The following RELA variants were observed in gnomAD, a reference collection of about 807,000 sequenced individuals.
The protein encoded by RELA is RELA proto-oncogene, NF-kB subunit.
A neutral mutation model predicts 56.7 loss-of-function variants in RELA; 14 were observed. That is an observed-to-expected ratio of 0.25 (90% confidence interval 0.16 to 0.39). RELA has a LOEUF of 0.39. Among genes scored for constraint, RELA ranks in the 10% least tolerant of loss-of-function variants. The pLI is 1.00. For missense variants in RELA, 559 were observed against 736.4 expected (o/e 0.76, Z 2.79); for synonymous variants, 315 against 289.7 (o/e 1.09, Z -0.89).
chr11:65,662,250 T>C, intron 1 of RELA, 45 bp from the exon 2 acceptor site: 1 of 1,500,044 alleles, frequency 6.7e-7, no homozygotes. Context: ...CCAATGCCCA[T>C]TCTCACAAGG....
At chr11:65,655,095 C>T (rs1856388186) in intron 10 of RELA, 95 bp from the exon 11 acceptor site, 1 of 989,070 alleles carries the variant, frequency 1.0e-6, no homozygotes, top group Non-Finnish European at 1.5e-6. Flanking sequence ...TGCTCAGGCT[C>T]AATCCCTCTC....
rs1856413129 is a variant in RELA, at chr11:65,655,866, CTCT to C, written c.944_946del (p.Lys315del). ...AGTCCCCATCTCACCGCTGAAAGGA[CTCT>C]TCTTCATGATGCTCTTGAAGGTCTC... On this transcript the variant is annotated inframe_deletion, in exon 9 of 11. Coordinates refer to ENST00000406246, the MANE Select transcript of RELA (RefSeq NM_021975.4). 1.9e-6 allele frequency: 3 copies of C among 1,613,984 alleles called. No homozygotes were observed. Among genetic ancestry groups the C allele is most frequent in the Non-Finnish European group, 2.5e-6 (3 of 1,179,978 alleles).
rs1179153759 is a variant in RELA, at chr11:65,654,948, C to T, written c.1086G>A (p.Glu362=). 6.2e-7 allele frequency: 1 copy of T among 1,604,294 alleles called. No individual in the cohort carries two copies. The highest frequency in any genetic ancestry group is 8.5e-7 in the Non-Finnish European group (1 of 1,176,086). Residue 362 remains glutamate (E), a synonymous_variant, in exon 11 of 11, where the codon GAG becomes GAA. Transcript: ENST00000406246. ...TSSLSTINYD[E]FPTMVFPSGQ... The stretch of plus-strand genomic sequence containing the variant: ...CAGAAGGAAACACCATGGTGGGAAA[C>T]TCATCATAGTTGATGGTGCTCAGGG...
upstream of RELA, chr11:65,663,123 T>G (rs1040145111): frequency 1.3e-5 from 3 of 225,062 alleles, no homozygotes; most frequent in South Asian, 1.8e-4. Flanking sequence ...CTCGGCTAGC[T>G]CCCGGGTCCC....
intron 1 of RELA, 40 bp from the exon 2 acceptor site, chr11:65,662,245 G>A (rs201608034): frequency 2.7e-6 from 4 of 1,509,044 alleles, no homozygotes; most frequent in South Asian, 2.7e-5. Context: ...CACACCCAAT[G>A]CCCATTCTCA....
intron 4 of RELA, chr11:65,660,499 C>A: frequency 6.4e-6 from 3 of 470,332 alleles, no homozygotes; most frequent in South Asian, 5.8e-5. Flanking sequence ...CACCTCAAGG[C>A]CTTTGCACTT....
At chr11:65,659,555 C>T in intron 6 of RELA, 111 bp downstream of exon 6, 1 of 1,367,556 alleles carries the variant, frequency 7.3e-7, no homozygotes, top group Non-Finnish European at 1.0e-6. Context: ...GACAAATACG[C>T]AAGATGATTG....
chr11:65,657,375 A>T (rs1418846741), intron 8 of RELA, among the ~76,000 whole-genome samples: 1 of 152,118 alleles, frequency 6.6e-6, no homozygotes, highest in Non-Finnish European at 1.5e-5. Flanking sequence ...GACTACAGCA[A>T]CATTTCCAGA....
Position 65,653,885 on chromosome 11 carries a change from G to T in RELA, c.*493C>A, listed in dbSNP as rs1470851328. 1 of 214,024 alleles carries T rather than the reference G, an allele frequency of 4.7e-6. No individual in the cohort carries two copies. Among genetic ancestry groups the T allele is most frequent in the South Asian group, 5.4e-5 (1 of 18,558 alleles). 13.3% of individuals were successfully genotyped at this position (214,024 alleles called of 1,614,324 possible). On this transcript the variant is annotated 3_prime_UTR_variant, in exon 11 of 11. Transcript: ENST00000406246. The stretch of plus-strand genomic sequence containing the variant: ...GCAGAGACCTCTGTAGGGCAGGAAG[G>T]CCAGCCCCTCAAACGCTGGTGTTAG...
At chr11:65,655,373 G>C (rs1856396646) in intron 10 of RELA, 1 of 577,274 alleles carries the variant, frequency 1.7e-6, no homozygotes, top group South Asian at 2.2e-5. Context: ...CAGTTTTTGA[G>C]CCTCGCACAG....
intron 5 of RELA, 56 bp downstream of exon 5, chr11:65,660,068 G>A (rs765499151): frequency 1.5e-4 from 234 of 1,530,948 alleles, no homozygotes; most frequent in Middle Eastern, 3.4e-4. Context: ...ATGCAGGAAA[G>A]GCGGGCTGGG....
upstream of RELA, chr11:65,662,970 G>A: frequency 1.5e-6 from 1 of 663,108 alleles, no homozygotes; most frequent in Non-Finnish European, 2.0e-6. Flanking sequence ...GCGCCTGCGC[G>A]CTGCCCCGCC....
Position 65,658,228 on chromosome 11 carries a change from G to A in RELA, c.877+59C>T, listed in dbSNP as rs2135559402. ...ACCACAGCCCCAGACATGCAGTCTT[G>A]GCCTCTCTCTCACGGCACAGAGCCC... On this transcript the variant is annotated intron_variant, in intron 8 of 10. Transcript: ENST00000406246. The surrounding 1 kb of genome is among the most constrained non-coding windows in gnomAD (Gnocchi z 4.5). 5.3e-6 allele frequency: 7 copies of A among 1,324,644 alleles called. No homozygotes were observed. The South Asian group carries it at 9.4e-5, about 18-fold the overall frequency. 82.1% of individuals were successfully genotyped at this position (1,324,644 alleles called of 1,614,324 possible).
At chr11:65,657,929 G>GGCAAA (rs1856471882) in intron 8 of RELA, among the ~76,000 whole-genome samples, 1 of 152,178 alleles carries the variant, frequency 6.6e-6, no homozygotes, top group African/African-American at 2.4e-5. Context: ...CAACCAGTGT[G>GGCAAA]GCAAAAGGAT....
rs1196514373 is a variant in RELA at position 65,658,120 on chromosome 11, G to A, written c.877+167C>T. On this transcript the variant is annotated intron_variant, in intron 8 of 10. Coordinates refer to ENST00000406246, the MANE Select transcript of RELA (RefSeq NM_021975.4). This position sits in a 1 kb window ranked among gnomAD's most constrained non-coding sequence, Gnocchi z 4.5. ...GATGTGTAGTACTAGCTCAATGTCT[G>A]AGGTATCATTATTATTAAATGAGGC... 6.6e-6 allele frequency among the ~76,000 whole-genome samples: 1 copy of A among 152,218 alleles called. No homozygotes were observed. The highest frequency in any genetic ancestry group is 1.5e-5 in the Non-Finnish European group (1 of 68,038).
chr11:65,662,123 G>GC, intron 2 of RELA, 35 bp from the exon 3 acceptor site: 1 of 1,600,840 alleles, frequency 6.2e-7, no homozygotes, highest in South Asian at 1.1e-5. Context: ...TTAGGCGGCT[G>GC]CCCCCACTGC....
In RELA at chr11:65,661,737, G is replaced by A. The variant is rs1301812399; in HGVS notation, c.285C>T (p.Cys95=). The change falls in exon 4 of 11, where the codon TGC becomes TGT. Residue 95 remains cysteine (C), a synonymous_variant. Transcript: ENST00000406246. ...PHPHELVGKD[C]RDGFYEAELC... is the part of the protein sequence containing the mutation. ...GCTCAGCCTCATAGAAGCCATCCCG[G>A]CAGTCCTTTCCTACAAGCTCGTGGG... 6.2e-7 allele frequency: 1 copy of A among 1,613,418 alleles called. No homozygotes were observed. Among genetic ancestry groups the A allele is most frequent in the Admixed American group, 1.7e-5 (1 of 59,920 alleles).
Position 65,658,167 on chromosome 11 carries a change from T to G in RELA, c.877+120A>C, listed in dbSNP as rs1232621413. On this transcript the variant is annotated intron_variant, in intron 8 of 10. Coordinates refer to ENST00000406246, the MANE Select transcript of RELA (RefSeq NM_021975.4). The surrounding 1 kb of genome is among the most constrained non-coding windows in gnomAD (Gnocchi z 4.5). ...AGGCAAGAAATGGATTCCAGTTTCT[T>G]GGATCCCAAGCTCTGACTCCAGCTT... is the stretch of plus-strand genomic sequence containing the variant. 9 of 693,132 alleles carry G rather than the reference T, an allele frequency of 1.3e-5. No individual in the cohort carries two copies. Among genetic ancestry groups the G allele is most frequent in the Non-Finnish European group, 2.2e-5 (9 of 417,354 alleles). 42.9% of individuals were successfully genotyped at this position (693,132 alleles called of 1,614,324 possible).
At chr11:65,657,224 A>C (rs1856454192) in intron 8 of RELA, among the ~76,000 whole-genome samples, 1 of 152,188 alleles carries the variant, frequency 6.6e-6, no homozygotes, top group African/African-American at 2.4e-5. Context: ...ACAGCTAGAC[A>C]CAGGTCCTGA....
Sources: allele counts gnomAD v4.1 joint callset (sites outside exome capture counted in the v4.1 genomes callset), GRCh38; gene constraint gnomAD v4.1.1; non-coding constraint Gnocchi (gnomAD v3.1); transcripts MANE v1.5; gene names NCBI Gene and HGNC (gene_info 2026-07-23, HGNC 2026-07-21).